Variants in GAB2 observed in about 807,000 individuals in gnomAD.
GAB2 encodes the protein GRB2 associated binding protein 2, also known as GRB2-associated-binding protein 2.
Under a neutral mutation model 65.5 loss-of-function variants are expected in GAB2, and 26 were observed. The observed-to-expected ratio is 0.40, with a 90% CI of 0.29 to 0.55. The LOEUF is 0.55. Among genes scored for constraint, GAB2 ranks in the 20% least tolerant of loss-of-function variants. The pLI is 0.53. For missense variants in GAB2, 884 were observed against 875.8 expected (o/e 1.01, Z -0.12); for synonymous variants, 321 against 329.6 (o/e 0.97, Z 0.28).
chr11:78,398,629 G>C (rs1272368449), intron 1 of GAB2, among the ~76,000 whole-genome samples: 1 of 152,020 alleles, frequency 6.6e-6, no homozygotes, highest in Non-Finnish European at 1.5e-5. Flanking sequence ...AATTCACAAT[G>C]TTATAATAAA....
intron 1 of GAB2, among the ~76,000 whole-genome samples, chr11:78,293,865 G>A (rs573206984): frequency 6.6e-6 from 1 of 152,284 alleles, no homozygotes; most frequent in South Asian, 2.1e-4. Flanking sequence ...GGGAGAGCGA[G>A]AGCATGCAAG....
chr11:78,348,181 G>A lies in GAB2; in HGVS notation c.76-67280C>T, dbSNP rs111404201. On this transcript the variant is annotated intron_variant, in intron 1 of 9. Coordinates refer to ENST00000361507, the MANE Select transcript of GAB2 (RefSeq NM_080491.3). ...TGACAGAAGCAGAAGAGGTAGAAGGGGAGGAAGGGGAGGCAGGAGAGGCAA... is the reference window on the plus strand; with the variant it reads ...TGACAGAAGCAGAAGAGGTAGAAGGAGAGGAAGGGGAGGCAGGAGAGGCAA... 3.0e-3 allele frequency among the ~76,000 whole-genome samples: 460 copies of A among 152,220 alleles called. 2 individuals carry two copies. Among genetic ancestry groups the A allele is most frequent in the African/African-American group, 0.01 (427 of 41,538 alleles).
intron 1 of GAB2, among the ~76,000 whole-genome samples, chr11:78,405,887 G>A (rs543125453): frequency 6.6e-6 from 1 of 152,302 alleles, no homozygotes; most frequent in South Asian, 2.1e-4. Context: ...CCAAAGGACT[G>A]GGAAAGGAGC....
At chr11:78,271,223 T>C (rs932069912) in intron 2 of GAB2, among the ~76,000 whole-genome samples, 20 of 152,358 alleles carry the variant, frequency 1.3e-4, no homozygotes, top group African/African-American at 4.8e-4. Flanking sequence ...ATGTGAGGAC[T>C]TGGATCCGCC....
At chr11:78,409,479 G>A (rs1445089386) in intron 1 of GAB2, among the ~76,000 whole-genome samples, 1 of 152,178 alleles carries the variant, frequency 6.6e-6, no homozygotes, top group African/African-American at 2.4e-5. Flanking sequence ...AACTACTTGG[G>A]AGGCTGAGGC....
At chr11:78,227,631 C>CAAAA (rs55716895) in intron 3 of GAB2, among the ~76,000 whole-genome samples, 3 of 106,124 alleles carry the variant, frequency 2.8e-5, no homozygotes, top group African/African-American at 7.2e-5. Flanking sequence ...CCATTGCCAC[C>CAAAA]AAAAAAAAAA....
At position 78,409,928 on chromosome 11, in the gene GAB2, A is replaced by G. The variant is rs552837853; in HGVS notation, c.75+7718T>C. Among the ~76,000 whole-genome samples the G allele has an allele frequency of 5.2e-4, 79 of 152,276 alleles. 1 individual carries two copies. Among genetic ancestry groups the G allele is most frequent in the Admixed American group, 1.3e-3 (20 of 15,286 alleles). ...ATTGAAATCAAATAGAACTTACTCTACTCCCACAATGAATTCCAACTAAAA... is the reference window on the plus strand; with the variant it reads ...ATTGAAATCAAATAGAACTTACTCTGCTCCCACAATGAATTCCAACTAAAA... On this transcript the variant is annotated intron_variant, in intron 1 of 9. Coordinates refer to ENST00000361507, the MANE Select transcript of GAB2 (RefSeq NM_080491.3).
chr11:78,323,615 A>G (rs926796858), intron 1 of GAB2, among the ~76,000 whole-genome samples: 1 of 151,564 alleles, frequency 6.6e-6, no homozygotes, highest in African/African-American at 2.4e-5. Flanking sequence ...AGACGGAAAT[A>G]GTAGACACTG....
intron 3 of GAB2, among the ~76,000 whole-genome samples, chr11:78,238,152 C>A (rs1865031527): frequency 6.7e-6 from 1 of 149,576 alleles, no homozygotes; most frequent in African/African-American, 2.5e-5. Context: ...TGTAACAAAC[C>A]TGCACATCCT....
chr11:78,332,632 G>A (rs1855934582), intron 1 of GAB2, among the ~76,000 whole-genome samples: 1 of 152,196 alleles, frequency 6.6e-6, no homozygotes, highest in African/African-American at 2.4e-5. Flanking sequence ...AGTCTAATGG[G>A]ATGCAGCAAG....
chr11:78,404,490 T>C (rs1857015231), intron 1 of GAB2, among the ~76,000 whole-genome samples: 1 of 152,228 alleles, frequency 6.6e-6, no homozygotes. Flanking sequence ...GAGGCTGCAG[T>C]GAGCCAAGAT....
intron 2 of GAB2, among the ~76,000 whole-genome samples, chr11:78,254,250 G>A (rs1354528428): frequency 2.0e-5 from 3 of 152,188 alleles, no homozygotes; most frequent in Non-Finnish European, 4.4e-5. Context: ...TACCCCTAGT[G>A]CCTAGAACAG....
At chr11:78,323,116 C>T (rs768861680) in intron 1 of GAB2, among the ~76,000 whole-genome samples, 3 of 152,170 alleles carry the variant, frequency 2.0e-5, no homozygotes, top group Non-Finnish European at 1.5e-5. Context: ...AGTACATATA[C>T]ACCATGGAAT....
chr11:78,354,239 C>A (rs1856323580), intron 1 of GAB2, among the ~76,000 whole-genome samples: 1 of 152,152 alleles, frequency 6.6e-6, no homozygotes, highest in African/African-American at 2.4e-5. Context: ...AGGTGGCAGG[C>A]TGTACGTTTT....
intron 1 of GAB2, among the ~76,000 whole-genome samples, chr11:78,412,146 A>AAG (rs1388339442): frequency 2.0e-5 from 3 of 152,152 alleles, no homozygotes; most frequent in Admixed American, 2.0e-4. Flanking sequence ...CTCAAAAAAA[A>AAG]AAAACCTATA....
At chr11:78,362,891 A>G (rs190766486) in intron 1 of GAB2, among the ~76,000 whole-genome samples, 3 of 152,320 alleles carry the variant, frequency 2.0e-5, no homozygotes, top group East Asian at 1.9e-4. Context: ...CTTCACAAAG[A>G]TAAGAGGTTC....
chr11:78,220,462 A>C lies in GAB2; in HGVS notation c.1762-18T>G. 2 of 1,552,768 alleles carry C rather than the reference A, an allele frequency of 1.3e-6. No homozygotes were observed. The highest frequency in any genetic ancestry group is 1.7e-6 in the Non-Finnish European group (2 of 1,143,250). On this transcript the variant is annotated intron_variant, in intron 8 of 9. Transcript: ENST00000361507. ...GGGTTTTGCTGTCACGAGGAGGAAAAAACTGTGAGTGACTGCAGAAAACAG... is the reference window on the plus strand; with the variant it reads ...GGGTTTTGCTGTCACGAGGAGGAAACAACTGTGAGTGACTGCAGAAAACAG...
chr11:78,238,373 G>A (rs928110083), intron 3 of GAB2, among the ~76,000 whole-genome samples: 4 of 151,856 alleles, frequency 2.6e-5, no homozygotes, highest in African/African-American at 9.7e-5. Flanking sequence ...GCATATGCCT[G>A]TAGTCTCAGC....
At chr11:78,389,652 G>A (rs1856809428) in intron 1 of GAB2, among the ~76,000 whole-genome samples, 1 of 152,146 alleles carries the variant, frequency 6.6e-6, no homozygotes, top group Admixed American at 6.6e-5. Context: ...AGTGGTGATG[G>A]CTGTACAACT....
Sources: gnomAD v4.1 joint callset for allele counts (sites outside exome capture counted in the v4.1 genomes callset) on GRCh38, gnomAD v4.1.1 for gene constraint, MANE v1.5 for transcripts, NCBI Gene and HGNC (gene_info 2026-07-23, HGNC 2026-07-21) for gene names.